The following CADM2 variants were observed in gnomAD, a reference collection of about 807,000 sequenced individuals.
The protein encoded by CADM2 is immunoglobulin superfamily member 4D.
In CADM2, 12 loss-of-function variants were observed where a neutral mutation model predicts 49.8. The ratio of observed to expected loss-of-function variants is 0.24; its 90% CI spans 0.15 to 0.39. CADM2 has a LOEUF of 0.39. Ranked by LOEUF, CADM2 falls within the 10% of genes least tolerant of loss-of-function variation. The pLI is 1.00. For missense variants in CADM2, 378 were observed against 492.3 expected (o/e 0.77, Z 2.20); for synonymous variants, 214 against 175.4 (o/e 1.22, Z -1.74).
At chr3:85,335,412 T>A (rs1197829506) in intron 1 of CADM2, among the ~76,000 whole-genome samples, 2 of 151,562 alleles carry the variant, frequency 1.3e-5, no homozygotes, top group African/African-American at 2.4e-5. Context: ...AAGGGTCAGA[T>A]TCTTCTTTTT....
intron 5 of CADM2, among the ~76,000 whole-genome samples, chr3:85,906,062 G>C (rs549136297): frequency 6.6e-6 from 1 of 152,210 alleles, no homozygotes; most frequent in East Asian, 1.9e-4. Flanking sequence ...ACACTTGCCT[G>C]CTGCTACAGA....
At chr3:85,512,409 A>T (rs559057831) in intron 1 of CADM2, among the ~76,000 whole-genome samples, 1 of 152,032 alleles carries the variant, frequency 6.6e-6, no homozygotes, top group African/African-American at 2.4e-5. Context: ...TCTTTATCCA[A>T]TAGACCGTTG....
intron 8 of CADM2, among the ~76,000 whole-genome samples, chr3:86,054,762 A>G (rs1052951547): frequency 2.0e-5 from 3 of 151,896 alleles, no homozygotes; most frequent in African/African-American, 4.8e-5. Context: ...TTTTACTCTT[A>G]GGCGAAAATA....
At chr3:85,867,671 A>G (rs890153254) in intron 3 of CADM2, among the ~76,000 whole-genome samples, 6 of 152,078 alleles carry the variant, frequency 3.9e-5, no homozygotes, top group Non-Finnish European at 8.8e-5. Context: ...GAACTTAAGC[A>G]TTTAGTGCTA....
At chr3:86,043,942 C>T (rs138301110) in intron 8 of CADM2, among the ~76,000 whole-genome samples, 4,397 of 152,072 alleles carry the variant, frequency 0.029, 187 homozygotes, top group African/African-American at 0.089. Context: ...ACAAACCTGA[C>T]GAAAACAAGA....
chr3:85,138,092 G>A (rs528009055), intron 1 of CADM2, among the ~76,000 whole-genome samples: 88 of 152,172 alleles, frequency 5.8e-4, no homozygotes, highest in African/African-American at 2.0e-3. Context: ...GGACAGAGTC[G>A]ATTTTGGTTA....
At chr3:85,435,593 C>A (rs1343879350) in intron 1 of CADM2, among the ~76,000 whole-genome samples, 2 of 152,164 alleles carry the variant, frequency 1.3e-5, no homozygotes, top group African/African-American at 4.8e-5. Context: ...AATCGCCACA[C>A]TGTCTTCCGC....
intron 1 of CADM2, among the ~76,000 whole-genome samples, chr3:85,398,278 T>C (rs1264829955): frequency 2.0e-5 from 3 of 152,148 alleles, no homozygotes; most frequent in Admixed American, 6.5e-5. Context: ...GTCCTTGTGA[T>C]AGTTTGCTGA....
chr3:85,071,326 G>A (rs933851455), intron 1 of CADM2, among the ~76,000 whole-genome samples: 1 of 152,062 alleles, frequency 6.6e-6, no homozygotes, highest in Non-Finnish European at 1.5e-5. Flanking sequence ...TTCAGGGATA[G>A]TTGTCAGGAC....
At chr3:85,493,808 G>A (rs150707778) in intron 1 of CADM2, among the ~76,000 whole-genome samples, 12 of 152,118 alleles carry the variant, frequency 7.9e-5, no homozygotes, top group African/African-American at 1.7e-4. Flanking sequence ...TTGTACTTCC[G>A]GCAAGATTGA....
chr3:85,316,601 C>T (rs1237694834), intron 1 of CADM2, among the ~76,000 whole-genome samples: 2 of 152,024 alleles, frequency 1.3e-5, no homozygotes, highest in African/African-American at 4.8e-5. Flanking sequence ...TCTTTAAAGG[C>T]TCTTGGCTTT....
intron 2 of CADM2, among the ~76,000 whole-genome samples, chr3:85,773,031 T>C (rs920398958): frequency 1.3e-5 from 2 of 152,020 alleles, no homozygotes; most frequent in East Asian, 1.9e-4. Context: ...AGTTGCATAA[T>C]TGATTAAGCA....
chr3:85,699,013 T>C (rs2066660204), intron 1 of CADM2, among the ~76,000 whole-genome samples: 1 of 152,106 alleles, frequency 6.6e-6, no homozygotes, highest in African/African-American at 2.4e-5. Context: ...AGGCATTGGG[T>C]AAATACTCCT....
At chr3:85,356,040 G>A (rs572759441) in intron 1 of CADM2, among the ~76,000 whole-genome samples, 3 of 152,146 alleles carry the variant, frequency 2.0e-5, no homozygotes, top group African/African-American at 4.8e-5. Context: ...TCATTCAAAC[G>A]AATACTACTG....
intron 1 of CADM2, among the ~76,000 whole-genome samples, chr3:85,168,645 T>C (rs1300527255): frequency 1.3e-5 from 2 of 152,220 alleles, no homozygotes; most frequent in Non-Finnish European, 2.9e-5. Context: ...TTATCTAATC[T>C]GTAATTTGCC....
Position 85,386,612 on chromosome 3 carries a change from A to G in CADM2, c.62-339910A>G, listed in dbSNP as rs145378792. On this transcript the variant is annotated intron_variant, in intron 1 of 9. Coordinates refer to ENST00000383699, the MANE Select transcript of CADM2 (RefSeq NM_001167675.2). ...CTGACAGTGTGCGTGTTGTGGGCAG[A>G]GTACTTAAACCTTGTTGTGGGTTAG... Among the ~76,000 whole-genome samples the G allele has an allele frequency of 2.2e-3, 339 of 152,336 alleles. 2 individuals carry two copies. The highest frequency in any genetic ancestry group is 7.8e-3 in the African/African-American group (325 of 41,560).
At chr3:86,021,157 G>A (rs1267285560) in intron 8 of CADM2, among the ~76,000 whole-genome samples, 3 of 151,934 alleles carry the variant, frequency 2.0e-5, no homozygotes, top group African/African-American at 4.8e-5. Context: ...CCACCACCAC[G>A]CCCAGCTAAT....
Position 85,062,967 on chromosome 3 carries a change from A to G in CADM2, c.61+103299A>G, listed in dbSNP as rs539189862. ...AATTGAGGCATCACTTAGGAATTGA[A>G]CAGTCTAAATCTTAAAAAAGTGGAA... is the stretch of plus-strand genomic sequence containing the variant. On this transcript the variant is annotated intron_variant, in intron 1 of 9. Coordinates refer to ENST00000383699, the MANE Select transcript of CADM2 (RefSeq NM_001167675.2). 7.2e-5 allele frequency among the ~76,000 whole-genome samples: 11 copies of G among 152,102 alleles called. No homozygotes were observed. The East Asian group carries it at 2.1e-3, about 29-fold the overall frequency.
intron 1 of CADM2, 41 bp from the exon 2 acceptor site, chr3:85,726,479 AAT>A: frequency 6.2e-7 from 1 of 1,607,756 alleles, no homozygotes; most frequent in Non-Finnish European, 8.5e-7. Flanking sequence ...TCTAATATCT[AAT>A]ATGTTTGTTC....
Sources: allele counts gnomAD v4.1 joint callset (sites outside exome capture counted in the v4.1 genomes callset), GRCh38; gene constraint gnomAD v4.1.1; transcripts MANE v1.5; gene names NCBI Gene and HGNC (gene_info 2026-07-23, HGNC 2026-07-21).